Variants in MYBPC1 observed in about 807,000 individuals in gnomAD.
MYBPC1 encodes the protein myosin binding protein C1, also known as myosin-binding protein C, slow-type.
A neutral mutation model predicts 147.1 loss-of-function variants in MYBPC1; 52 were observed. The ratio of observed to expected loss-of-function variants is 0.35; its 90% CI spans 0.28 to 0.45. The LOEUF (loss-of-function observed/expected upper bound fraction) is 0.45. Ranked by LOEUF, MYBPC1 falls within the 20% of genes least tolerant of loss-of-function variation. The pLI is 1.00. For synonymous variants in MYBPC1, 477 were observed against 475.9 expected (o/e 1.00, Z -0.03); for missense variants, 1,228 against 1,440.3 (o/e 0.85, Z 2.39).
intron 3 of MYBPC1, among the ~76,000 whole-genome samples, chr12:101,618,452 G>A (rs1355886243): frequency 6.6e-6 from 1 of 152,158 alleles, no homozygotes. Context: ...GGAGGTTTGG[G>A]CATCCTGGCT....
chr12:101,626,856 C>T lies in MYBPC1; in HGVS notation c.104-16C>T, dbSNP rs763286885. ...GTCTTTTCTCCTTGACTTTTTACTC[C>T]TATTTCTTGTTTCAGATGAAGAGGA... is the stretch of plus-strand genomic sequence containing the variant. On this transcript the variant is annotated splice_polypyrimidine_tract_variant and intron_variant, in intron 3 of 31. Transcript: ENST00000361466. 8.1e-6 allele frequency: 13 copies of T among 1,608,708 alleles called. No individual in the cohort carries two copies. Among genetic ancestry groups the T allele is most frequent in the African/African-American group, 5.3e-5 (4 of 74,772 alleles).
chr12:101,652,529 T>A lies in MYBPC1; in HGVS notation c.1527-149T>A. ...AGGATAATTAAGGCTTCTCATCCTC[T>A]CTCTCTCTCTCTCTCTTTCTCTCTC... On this transcript the variant is annotated intron_variant, in intron 16 of 31. Transcript: ENST00000361466. The A allele has an allele frequency of 5.0e-5, 28 of 559,586 alleles. 2 individuals carry two copies. Among genetic ancestry groups the A allele is most frequent in the East Asian group, 3.3e-4 (6 of 18,424 alleles). 34.7% of individuals were successfully genotyped at this position (559,586 alleles called of 1,614,324 possible).
At chr12:101,614,817 A>C (rs1885457154) in intron 2 of MYBPC1, 6 of 478,556 alleles carry the variant, frequency 1.3e-5, no homozygotes, top group Non-Finnish European at 2.3e-5. Context: ...CGCATTTTAC[A>C]GTGTGGAGGC....
At chr12:101,667,634 G>A (rs796103925) in intron 22 of MYBPC1, 98 bp from the exon 23 acceptor site, 12 of 1,349,330 alleles carry the variant, frequency 8.9e-6, no homozygotes, top group South Asian at 7.3e-5. Context: ...GTATTATTAT[G>A]AGTAAAATAC....
chr12:101,648,778 C>G (rs991702957), intron 14 of MYBPC1, among the ~76,000 whole-genome samples: 3 of 152,094 alleles, frequency 2.0e-5, no homozygotes, highest in African/African-American at 7.2e-5. Context: ...AATGTTTTCT[C>G]AGGTTCCTTG....
rs768864572 is a variant in MYBPC1, at chr12:101,675,478, C to A, written c.2949+47C>A. 1.9e-6 allele frequency: 3 copies of A among 1,612,638 alleles called. No homozygotes were observed. In the African/African-American group the frequency reaches 4.0e-5, roughly 22 times the overall value. On this transcript the variant is annotated intron_variant, in intron 26 of 31. Transcript: ENST00000361466. Reference sequence around the variant, plus strand: ...TTCATCAGTAGCAAAAGGCACATTTCATCAGAGGTAAAGGAGATGGCACAA... The same window carrying A: ...TTCATCAGTAGCAAAAGGCACATTTAATCAGAGGTAAAGGAGATGGCACAA...
At chr12:101,676,535 G>A (rs1342848035) in intron 26 of MYBPC1, among the ~76,000 whole-genome samples, 2 of 152,124 alleles carry the variant, frequency 1.3e-5, no homozygotes, top group Non-Finnish European at 2.9e-5. Flanking sequence ...CAGGAGGATT[G>A]CTTGAGCCCA....
chr12:101,666,714 T>A (rs764315039), intron 22 of MYBPC1: 24 of 1,596,138 alleles, frequency 1.5e-5, no homozygotes, highest in Non-Finnish European at 1.9e-5. Flanking sequence ...GTGGGTGTCT[T>A]TAATTAATTT....
intron 2 of MYBPC1, among the ~76,000 whole-genome samples, chr12:101,615,537 T>C (rs1885667796): frequency 1.3e-5 from 2 of 151,962 alleles, no homozygotes; most frequent in African/African-American, 4.8e-5. Flanking sequence ...GAACTCTACA[T>C]AGAAAACATC....
At chr12:101,656,271 A>G (rs895950312) in intron 18 of MYBPC1, among the ~76,000 whole-genome samples, 1 of 152,192 alleles carries the variant, frequency 6.6e-6, no homozygotes, top group Non-Finnish European at 1.5e-5. Context: ...AAAAAAATGT[A>G]GAAGACAATA....
intron 1 of MYBPC1, among the ~76,000 whole-genome samples, chr12:101,613,470 T>C (rs928526131): frequency 1.3e-5 from 2 of 152,214 alleles, no homozygotes. Flanking sequence ...AAGTAGAAGA[T>C]AATTTTAGAA....
intron 22 of MYBPC1, among the ~76,000 whole-genome samples, chr12:101,665,363 G>T (rs1176700277): frequency 6.6e-6 from 1 of 151,920 alleles, no homozygotes; most frequent in Non-Finnish European, 1.5e-5. Context: ...AATGGCTGTT[G>T]TCCTCCAGAC....
chr12:101,683,985 C>T (rs1242809407), intron 30 of MYBPC1, among the ~76,000 whole-genome samples: 1 of 152,036 alleles, frequency 6.6e-6, no homozygotes, highest in Non-Finnish European at 1.5e-5. Flanking sequence ...TGTACACTAA[C>T]ACTTTGTCTA....
chr12:101,626,662 C>T (rs925889143), intron 3 of MYBPC1, among the ~76,000 whole-genome samples: 19 of 152,264 alleles, frequency 1.2e-4, no homozygotes, highest in Non-Finnish European at 2.5e-4. Context: ...TTGGATTACC[C>T]TACTCTGTCA....
chr12:101,622,361 G>A (rs899649559), intron 3 of MYBPC1, among the ~76,000 whole-genome samples: 1 of 152,104 alleles, frequency 6.6e-6, no homozygotes, highest in Admixed American at 6.5e-5. Context: ...AATTTTTTGA[G>A]AATTTAAGGT....
At chr12:101,677,437 G>A (rs369259176) in intron 27 of MYBPC1, 43 bp downstream of exon 27, 2 of 1,609,766 alleles carry the variant, frequency 1.2e-6, no homozygotes, top group East Asian at 4.5e-5. Context: ...TTGGTTGACA[G>A]TGACCAGACA....
chr12:101,615,665 C>A (rs1885739306), intron 2 of MYBPC1, among the ~76,000 whole-genome samples: 6 of 71,110 alleles, frequency 8.4e-5, no homozygotes, highest in Non-Finnish European at 1.6e-4. Flanking sequence ...ACCCCCCGCC[C>A]CCCCCCCGCC....
intron 3 of MYBPC1, among the ~76,000 whole-genome samples, chr12:101,619,496 C>T (rs1370041487): frequency 6.6e-6 from 1 of 152,228 alleles, no homozygotes; most frequent in African/African-American, 2.4e-5. Flanking sequence ...CTAATGAATA[C>T]TTGCAAAATG....
chr12:101,677,384 C>T lies in MYBPC1; in HGVS notation c.3099C>T (p.Ile1033=), dbSNP rs757074197. Residue 1033 remains isoleucine, a synonymous_variant, in exon 27 of 32, where the codon ATC becomes ATT. Transcript: ENST00000361466. ...DATMTKESAV[I]ARDGKIYKNP... ...CCATGACTAAAGAGAGTGCAGTGAT[C>T]GCCAGGGATGGTGAGTTGGGAATGG... The T allele has an allele frequency of 1.9e-6, 3 of 1,613,830 alleles. No individual in the cohort carries two copies. Among genetic ancestry groups the T allele is most frequent in the South Asian group, 2.2e-5 (2 of 91,064 alleles).
Sources: gnomAD v4.1 joint callset for allele counts (sites outside exome capture counted in the v4.1 genomes callset) on GRCh38, gnomAD v4.1.1 for gene constraint, MANE v1.5 for transcripts, NCBI Gene and HGNC (gene_info 2026-07-23, HGNC 2026-07-21) for gene names.